LTBP1: variants seen among roughly 807,000 people sequenced by gnomAD.
The protein encoded by LTBP1 is latent transforming growth factor beta binding protein 1.
Under a neutral mutation model 207.6 loss-of-function variants are expected in LTBP1, and 129 were observed. That is an observed-to-expected ratio of 0.62 (90% confidence interval 0.54 to 0.72). The LOEUF (loss-of-function observed/expected upper bound fraction) is 0.72, where lower values mean the gene tolerates loss of function less well. LTBP1 is among the 30% of genes least tolerant of loss of function. The pLI is 0.00. For synonymous variants in LTBP1, 963 were observed against 833.7 expected (o/e 1.16, Z -2.67); for missense variants, 2,281 against 2,217.2 (o/e 1.03, Z -0.58).
At chr2:33,352,969 TC>T (rs371109850) in intron 26 of LTBP1, among the ~76,000 whole-genome samples, 12 of 139,228 alleles carry the variant, frequency 8.6e-5, no homozygotes, top group African/African-American at 3.4e-4. Flanking sequence ...TGTAAGCCTT[TC>T]TTTTTTTTTT....
At chr2:33,108,438 C>T (rs1470866648) in intron 3 of LTBP1, among the ~76,000 whole-genome samples, 1 of 152,090 alleles carries the variant, frequency 6.6e-6, no homozygotes, top group African/African-American at 2.4e-5. Context: ...AAGTTCTAGA[C>T]CTAGTACAGC....
intron 20 of LTBP1, among the ~76,000 whole-genome samples, chr2:33,294,284 C>T (rs2093831028): frequency 1.3e-5 from 2 of 152,004 alleles, no homozygotes; most frequent in Admixed American, 6.6e-5. Context: ...GCAACCCCTG[C>T]CTCCTGGGTT....
rs187539026 is a variant in LTBP1 at position 33,232,956 on chromosome 2, T to C, written c.1877-10706T>C. 4.7e-3 allele frequency among the ~76,000 whole-genome samples: 723 copies of C among 152,276 alleles called. 6 individuals carry two copies. The highest frequency in any genetic ancestry group is 0.017 in the African/African-American group (691 of 41,576). On this transcript the variant is annotated intron_variant, in intron 9 of 33. Coordinates refer to ENST00000404816, the MANE Select transcript of LTBP1 (RefSeq NM_206943.4). ...TTCTGTGTTTTGACACCTCTTCCTT[T>C]GTAGATAATGTGTTTCTCTCTTTTG...
chr2:32,971,242 A>T lies in LTBP1; in HGVS notation c.565+22297A>T, dbSNP rs556981009. On this transcript the variant is annotated intron_variant, in intron 2 of 33. Coordinates refer to ENST00000404816, the MANE Select transcript of LTBP1 (RefSeq NM_206943.4). The stretch of plus-strand genomic sequence containing the variant: ...ATAAAATCATATTGTCTGCAAATAG[A>T]GAGAGTTTGACTTCCCCTCTTCCAA... Among the ~76,000 whole-genome samples, 29 of 152,064 alleles carry T rather than the reference A, an allele frequency of 1.9e-4. 1 individual carries two copies. Among genetic ancestry groups the T allele is most frequent in the Non-Finnish European group, 4.3e-4 (29 of 68,002 alleles).
intron 19 of LTBP1, among the ~76,000 whole-genome samples, chr2:33,282,182 T>C (rs2093572122): frequency 6.6e-6 from 1 of 152,020 alleles, no homozygotes; most frequent in African/African-American, 2.4e-5. Context: ...ATTAGATCAC[T>C]GCATTTCTCA....
intron 7 of LTBP1, among the ~76,000 whole-genome samples, chr2:33,205,833 A>G (rs2089822489): frequency 1.3e-5 from 2 of 152,154 alleles, no homozygotes; most frequent in South Asian, 4.2e-4. Context: ...CCCTGATGTG[A>G]TAGGACCAGT....
At chr2:33,332,160 A>G (rs2094501054) in intron 24 of LTBP1, among the ~76,000 whole-genome samples, 1 of 152,108 alleles carries the variant, frequency 6.6e-6, no homozygotes, top group Admixed American at 6.5e-5. Flanking sequence ...ATATATATTT[A>G]TACACAAGCA....
At position 32,977,703 on chromosome 2, in the gene LTBP1, G is replaced by A. The variant is rs114124660; in HGVS notation, c.565+28758G>A. 3.6e-3 allele frequency among the ~76,000 whole-genome samples: 555 copies of A among 152,264 alleles called. 1 individual carries two copies. Among genetic ancestry groups the A allele is most frequent in the African/African-American group, 0.013 (531 of 41,548 alleles). On this transcript the variant is annotated intron_variant, in intron 2 of 33. Transcript: ENST00000404816. ...CTTGTGGAAAGTGTGAATCCCCTGA[G>A]GGGCTCTCACTCACCACTCCCTTGT...
Position 33,309,427 on chromosome 2 carries a change from T to G in LTBP1, c.3482-7T>G. 1 of 1,583,242 alleles carries G rather than the reference T, an allele frequency of 6.3e-7. No individual in the cohort carries two copies. Among genetic ancestry groups the G allele is most frequent in the South Asian group, 1.2e-5 (1 of 84,714 alleles). On this transcript the variant is annotated splice_polypyrimidine_tract_variant and splice_region_variant and intron_variant, in intron 22 of 33. Transcript: ENST00000404816. ...TAGTCTTTAAAAATTTTTAAATTGGTTTTTAGATATCAATGAATGCTTGGA... is the reference window on the plus strand; with the variant it reads ...TAGTCTTTAAAAATTTTTAAATTGGGTTTTAGATATCAATGAATGCTTGGA...
chr2:33,051,089 C>G (rs1482022898), intron 3 of LTBP1, among the ~76,000 whole-genome samples: 1 of 152,170 alleles, frequency 6.6e-6, no homozygotes, highest in Admixed American at 6.5e-5. Context: ...GATTGTGAAG[C>G]TCCATGAGTT....
chr2:33,226,266 T>C (rs2091434166), intron 9 of LTBP1, among the ~76,000 whole-genome samples: 1 of 152,184 alleles, frequency 6.6e-6, no homozygotes, highest in Non-Finnish European at 1.5e-5. Flanking sequence ...ATAGACAACA[T>C]GTAGTTGAGT....
At position 33,347,197 on chromosome 2, in the gene LTBP1, A is replaced by G. The variant is rs73925697; in HGVS notation, c.3857-170A>G. On this transcript the variant is annotated intron_variant, in intron 25 of 33. Coordinates refer to ENST00000404816, the MANE Select transcript of LTBP1 (RefSeq NM_206943.4). ...AGTCCTTTCGTACAGACCAAATCTGACAGCTCTACCTTAAAGAGCCCCTTC... is the reference window on the plus strand; with the variant it reads ...AGTCCTTTCGTACAGACCAAATCTGGCAGCTCTACCTTAAAGAGCCCCTTC... Among the ~76,000 whole-genome samples, 750 of 151,540 alleles carry G rather than the reference A, an allele frequency of 4.9e-3. 8 individuals are homozygous for G. Among genetic ancestry groups the G allele is most frequent in the African/African-American group, 0.017 (694 of 41,276 alleles).
intron 5 of LTBP1, among the ~76,000 whole-genome samples, chr2:33,169,677 A>G (rs2085246804): frequency 6.6e-6 from 1 of 152,264 alleles, no homozygotes; most frequent in Non-Finnish European, 1.5e-5. Flanking sequence ...TGTATAATCC[A>G]GACAAACTAA....
intron 2 of LTBP1, among the ~76,000 whole-genome samples, chr2:32,970,278 A>C (rs936510037): frequency 6.6e-6 from 1 of 152,084 alleles, no homozygotes; most frequent in African/African-American, 2.4e-5. Flanking sequence ...ATTAGGTTCC[A>C]TTTGTCATTT....
chr2:33,254,873 T>TTG (rs2092802564), intron 11 of LTBP1, among the ~76,000 whole-genome samples: 1 of 122,018 alleles, frequency 8.2e-6, no homozygotes, highest in East Asian at 2.3e-4. Flanking sequence ...TTTTTTTTTT[T>TTG]TTTTTTTTTT....
intron 2 of LTBP1, among the ~76,000 whole-genome samples, chr2:32,982,263 C>G (rs1376207486): frequency 6.6e-6 from 1 of 152,076 alleles, no homozygotes; most frequent in Non-Finnish European, 1.5e-5. Context: ...TTGCTTTTGC[C>G]CTAGAGATCT....
intron 26 of LTBP1, among the ~76,000 whole-genome samples, chr2:33,358,391 C>CTA (rs1374682987): frequency 1.3e-5 from 2 of 151,486 alleles, no homozygotes; most frequent in African/African-American, 4.8e-5. Context: ...ATGTATTTGT[C>CTA]TATATATATG....
At chr2:33,391,155 A>G (rs575157450) in intron 32 of LTBP1, among the ~76,000 whole-genome samples, 29 of 151,488 alleles carry the variant, frequency 1.9e-4, no homozygotes, top group South Asian at 2.1e-4. Context: ...AGAACATTCT[A>G]TTAATCCAGC....
At chr2:33,345,928 G>A (rs1468049281) in intron 25 of LTBP1, among the ~76,000 whole-genome samples, 2 of 152,162 alleles carry the variant, frequency 1.3e-5, no homozygotes, top group South Asian at 4.1e-4. Flanking sequence ...AAATATTGCA[G>A]GAGGAAAGAG....
Sources: gnomAD v4.1 joint callset for allele counts (sites outside exome capture counted in the v4.1 genomes callset) on GRCh38, gnomAD v4.1.1 for gene constraint, MANE v1.5 for transcripts, NCBI Gene and HGNC (gene_info 2026-07-23, HGNC 2026-07-21) for gene names.